TRAPPC3L: variants seen among roughly 807,000 people sequenced by gnomAD.
The protein encoded by TRAPPC3L is trafficking protein particle complex subunit 3L, also known as trafficking protein particle complex subunit 3-like protein.
TRAPPC3L carries 23 observed loss-of-function variants against 23.7 expected under a neutral mutation model. The ratio of observed to expected loss-of-function variants is 0.97; its 90% CI spans 0.70 to 1.37. The LOEUF (loss-of-function observed/expected upper bound fraction) is 1.37, where lower values mean the gene tolerates loss of function less well. Among genes scored for constraint, TRAPPC3L ranks in the 40% most tolerant of loss-of-function variants. The pLI, the probability that TRAPPC3L is intolerant of heterozygous loss-of-function variation, is 0.00. For missense variants in TRAPPC3L, 212 were observed against 216.8 expected, an observed-to-expected ratio of 0.98 and a Z score of 0.14; for synonymous variants, 81 against 77.9, an observed-to-expected ratio of 1.04 and a Z score of -0.21.
rs563190800 is a variant in TRAPPC3L at position 116,496,271 on chromosome 6, G to C, written c.*683C>G. 1 of 152,114 alleles carries C rather than the reference G, an allele frequency of 6.6e-6. No individual in the cohort carries two copies. Among genetic ancestry groups the C allele is most frequent in the South Asian group, 2.1e-4 (1 of 4,828 alleles). 9.4% of individuals were successfully genotyped at this position (152,114 alleles called of 1,614,324 possible). ...TATCCTTTATTTTAGAAGTTTCCTG[G>C]CCTGACCATCAAGCAATATTTCATG... is the stretch of plus-strand genomic sequence containing the variant. On this transcript the variant is annotated 3_prime_UTR_variant, in exon 5 of 5. Coordinates refer to ENST00000368602, the MANE Select transcript of TRAPPC3L (RefSeq NM_001139444.3).
chr6:116,500,443 A>C, intron 4 of TRAPPC3L, 38 bp downstream of exon 4: 2 of 1,508,778 alleles, frequency 1.3e-6, no homozygotes, highest in Non-Finnish European at 1.8e-6. Flanking sequence ...AGAAGGACTA[A>C]GAGATTCTTC....
At chr6:116,533,917 A>T (rs1298492779) in intron 3 of TRAPPC3L, among the ~76,000 whole-genome samples, 2 of 152,100 alleles carry the variant, frequency 1.3e-5, no homozygotes, top group Non-Finnish European at 2.9e-5. Context: ...GAGTTTCCTG[A>T]TTGCAAGGTT....
chr6:116,540,972 A>G (rs1773414059), intron 2 of TRAPPC3L, among the ~76,000 whole-genome samples: 1 of 152,160 alleles, frequency 6.6e-6, no homozygotes, highest in Non-Finnish European at 1.5e-5. Context: ...GTTGCCAGTG[A>G]GAGTTTCGGC....
chr6:116,515,943 A>G, intron 3 of TRAPPC3L: 1 of 1,612,574 alleles, frequency 6.2e-7, no homozygotes. Context: ...AGCCCTGAGG[A>G]TGATGAGACG....
chr6:116,505,423 C>T (rs1407690623), intron 3 of TRAPPC3L, among the ~76,000 whole-genome samples: 1 of 152,110 alleles, frequency 6.6e-6, no homozygotes, highest in Non-Finnish European at 1.5e-5. Flanking sequence ...GAATCAATAT[C>T]GTGAAAATGG....
chr6:116,519,024 A>G (rs1383633269), intron 3 of TRAPPC3L: 1 of 152,386 alleles, frequency 6.6e-6, no homozygotes, highest in African/African-American at 2.4e-5. Context: ...TCCTGGAGGC[A>G]GTGGAGTAAG....
intron 3 of TRAPPC3L, chr6:116,515,921 G>A: frequency 6.2e-7 from 1 of 1,613,638 alleles, no homozygotes. Context: ...GGTGGACAAT[G>A]GTCTGCAACT....
chr6:116,506,267 C>T (rs891929193), intron 3 of TRAPPC3L, among the ~76,000 whole-genome samples: 1 of 152,208 alleles, frequency 6.6e-6, no homozygotes, highest in Middle Eastern at 3.4e-3. Flanking sequence ...GAAAAAATGC[C>T]CATCATCACT....
chr6:116,540,475 G>C lies in TRAPPC3L; in HGVS notation c.141-13C>G. The C allele has an allele frequency of 6.5e-7, 1 of 1,548,386 alleles. No homozygotes were observed. On this transcript the variant is annotated splice_polypyrimidine_tract_variant and intron_variant, in intron 2 of 4. Transcript: ENST00000368602. Reference sequence around the variant, plus strand: ...AATGCCGTAACCCCTGTGGATGACGGAAAGAGTGTGGTCTGAAAATTCTAA... The same window carrying C: ...AATGCCGTAACCCCTGTGGATGACGCAAAGAGTGTGGTCTGAAAATTCTAA...
chr6:116,539,727 G>A (rs576986835), intron 3 of TRAPPC3L, among the ~76,000 whole-genome samples: 9 of 152,200 alleles, frequency 5.9e-5, no homozygotes, highest in African/African-American at 2.2e-4. Context: ...GATCAGTTTT[G>A]TAAACCTGGA....
intron 1 of TRAPPC3L, chr6:116,543,876 A>C: frequency 1.3e-6 from 2 of 1,531,132 alleles, no homozygotes; most frequent in Non-Finnish European, 1.7e-6. Flanking sequence ...CAAATTTGTG[A>C]GTTTCTTTTC....
At chr6:116,499,793 A>G (rs1468207071) in intron 4 of TRAPPC3L, among the ~76,000 whole-genome samples, 1 of 152,166 alleles carries the variant, frequency 6.6e-6, no homozygotes, top group Non-Finnish European at 1.5e-5. Flanking sequence ...TTCCTGCCAC[A>G]CGTCCTCTCA....
At chr6:116,507,896 A>G (rs1772034541) in intron 3 of TRAPPC3L, among the ~76,000 whole-genome samples, 1 of 152,226 alleles carries the variant, frequency 6.6e-6, no homozygotes, top group African/African-American at 2.4e-5. Flanking sequence ...AGTTTCAAAA[A>G]TAAGTAAACT....
chr6:116,518,037 G>C (rs951106672), intron 3 of TRAPPC3L: 5 of 152,266 alleles, frequency 3.3e-5, no homozygotes, highest in Non-Finnish European at 2.9e-5. Context: ...CCATCTGGCT[G>C]TTTCTGAGTT....
intron 4 of TRAPPC3L, among the ~76,000 whole-genome samples, chr6:116,499,868 G>A (rs761392511): frequency 1.1e-4 from 16 of 152,170 alleles, no homozygotes; most frequent in Non-Finnish European, 2.1e-4. Flanking sequence ...TTTAAAGACA[G>A]CAACTATGTC....
Position 116,497,082 on chromosome 6 carries a change from G to C in TRAPPC3L, c.427-9C>G. The C allele has an allele frequency of 6.5e-7, 1 of 1,530,386 alleles. No homozygotes were observed. The highest frequency in any genetic ancestry group is 8.8e-7 in the Non-Finnish European group (1 of 1,140,692). The allele number at this position is 1,530,386 out of a possible 1,614,324, so 94.8% of individuals were successfully genotyped here. A position where few individuals can be genotyped will look rare whatever the true frequency, so the allele number is the denominator to read the frequency against. Reference sequence around the variant, plus strand: ...TCAGCCGCCAAATGAACCTAGGAAAGAAGAAAAAAACAGGCCTGTGTCATT... The same window carrying C: ...TCAGCCGCCAAATGAACCTAGGAAACAAGAAAAAAACAGGCCTGTGTCATT... On this transcript the variant is annotated splice_polypyrimidine_tract_variant and intron_variant, in intron 4 of 4. Transcript: ENST00000368602.
intron 3 of TRAPPC3L, among the ~76,000 whole-genome samples, chr6:116,513,356 T>G (rs747569688): frequency 5.9e-5 from 9 of 152,178 alleles, no homozygotes; most frequent in Non-Finnish European, 1.0e-4. Context: ...AGATAAAACA[T>G]ATCAGGCTCC....
intron 3 of TRAPPC3L, among the ~76,000 whole-genome samples, chr6:116,504,823 C>T (rs1478192604): frequency 6.6e-6 from 1 of 152,204 alleles, no homozygotes. Flanking sequence ...AACAGCCCTT[C>T]ATGCTAAAAA....
chr6:116,505,862 C>G lies in TRAPPC3L; in HGVS notation c.241-5196G>C, dbSNP rs373182991. Among the ~76,000 whole-genome samples, 3 of 152,144 alleles carry G rather than the reference C, an allele frequency of 2.0e-5. No homozygotes were observed. In the South Asian group the frequency reaches 6.2e-4, roughly 32 times the overall value. ...CCCTTCCTTACACCTTATACAAAAA[C>G]TAACTCAAGATGGATTAAAGACTTA... On this transcript the variant is annotated intron_variant, in intron 3 of 4. Coordinates refer to ENST00000368602, the MANE Select transcript of TRAPPC3L (RefSeq NM_001139444.3).
Sources: gnomAD v4.1 joint callset for allele counts (sites outside exome capture counted in the v4.1 genomes callset) on GRCh38, gnomAD v4.1.1 for gene constraint, MANE v1.5 for transcripts, NCBI Gene and HGNC (gene_info 2026-07-23, HGNC 2026-07-21) for gene names.